Variants in C1orf141 observed in about 807,000 individuals in gnomAD.
C1orf141 encodes uncharacterized protein C1orf141.
In C1orf141, 19 loss-of-function variants were observed where a neutral mutation model predicts 23.2. The observed-to-expected ratio is 0.82, with a 90% confidence interval of 0.57 to 1.20. The LOEUF (loss-of-function observed/expected upper bound fraction) is 1.20, where lower values mean the gene tolerates loss of function less well. Among genes scored for constraint, C1orf141 ranks in the 50% most tolerant of loss-of-function variants. The pLI, the probability that C1orf141 is intolerant of heterozygous loss-of-function variation, is 0.00. For missense variants in C1orf141, 469 were observed against 455.1 expected (o/e 1.03, Z -0.28); for synonymous variants, 153 against 154.6 (o/e 0.99, Z 0.08).
intron 6 of C1orf141, 55 bp from the exon 7 acceptor site, chr1:67,095,476 G>C: frequency 2.0e-6 from 2 of 988,252 alleles, no homozygotes; most frequent in Non-Finnish European, 2.9e-6. Flanking sequence ...CAGCTTGTCA[G>C]TTCTTGTCTG....
intron 4 of C1orf141, among the ~76,000 whole-genome samples, chr1:67,117,117 T>G (rs1558198473): frequency 6.6e-6 from 1 of 152,168 alleles, no homozygotes; most frequent in African/African-American, 2.4e-5. Context: ...TAGTACATGT[T>G]TAATATTCAT....
chr1:67,111,562 AC>A, intron 5 of C1orf141: 1 of 1,109,900 alleles, frequency 9.0e-7, no homozygotes, highest in Non-Finnish European at 1.2e-6. Flanking sequence ...TACTGAGTAT[AC>A]AAATTACACC....
intron 5 of C1orf141, chr1:67,113,740 C>T (rs1256069862): frequency 7.9e-7 from 1 of 1,265,454 alleles, no homozygotes; most frequent in Admixed American, 2.3e-5. Flanking sequence ...CAGGATCAGC[C>T]TACTTTTAAA....
intron 2 of C1orf141, 88 bp from the exon 3 acceptor site, chr1:67,127,345 A>G: frequency 1.4e-6 from 1 of 718,420 alleles, no homozygotes; most frequent in Non-Finnish European, 2.4e-6. Flanking sequence ...TCACTTTTAC[A>G]TTACTGTTTT....
intron 5 of C1orf141, among the ~76,000 whole-genome samples, chr1:67,101,449 AGTGTGTGTGTGTGT>A (rs10688535): frequency 2.2e-5 from 3 of 135,288 alleles, no homozygotes; most frequent in South Asian, 2.6e-4. Context: ...TGAATGTAAG[AGTGTGTGTGTGTGT>A]GTGTGTGTGT....
intron 3 of C1orf141, 92 bp downstream of exon 3, chr1:67,127,074 T>G (rs1256316325): frequency 1.3e-6 from 1 of 776,106 alleles, no homozygotes; most frequent in African/African-American, 1.8e-5. Flanking sequence ...TATATCATAT[T>G]AATGTATCAT....
intron 5 of C1orf141, among the ~76,000 whole-genome samples, chr1:67,101,650 A>G (rs68123283): frequency 0.095 from 14,507 of 152,078 alleles, 736 homozygotes; most frequent in South Asian, 0.12. Context: ...TCTTTGAGTT[A>G]GGGATAAAAT....
chr1:67,093,292 G>A lies in C1orf141; in HGVS notation c.916C>T (p.Leu306=), dbSNP rs1432190284. The part of the protein sequence containing the change: ...KLKKKTNKQT[L]ENRSWNTLYN... ...AGTGTATTCCAAGATCTGTTTTCTA[G>A]TGTCTGCTTATTAGTTTTCTTCTTT... The change falls in exon 8 of 8, where the codon CTA becomes TTA. Residue 306 remains leucine, a synonymous_variant. Coordinates refer to ENST00000684719, the MANE Select transcript of C1orf141 (RefSeq NM_001276351.2). 6.8e-6 allele frequency: 11 copies of A among 1,613,688 alleles called. No homozygotes were observed. In the East Asian group the frequency reaches 2.5e-4, roughly 36 times the overall value.
intron 4 of C1orf141, 167 bp downstream of exon 4, chr1:67,125,585 G>C: frequency 2.9e-6 from 2 of 686,354 alleles, no homozygotes; most frequent in Non-Finnish European, 5.3e-6. Context: ...TGTAGTCCCA[G>C]CTACTCTGGA....
At chr1:67,125,711 C>G (rs897425016) in intron 4 of C1orf141, 41 bp downstream of exon 4, 20 of 1,587,788 alleles carry the variant, frequency 1.3e-5, no homozygotes, top group Non-Finnish European at 1.7e-5. Context: ...AACAAACAAA[C>G]AAATTCTGAA....
At chr1:67,121,636 T>G (rs1269284249) in intron 4 of C1orf141, 1 of 152,252 alleles carries the variant, frequency 6.6e-6, no homozygotes, top group Non-Finnish European at 1.5e-5. Flanking sequence ...ATTTTTGGTA[T>G]GCCATTGAAT....
intron 5 of C1orf141, among the ~76,000 whole-genome samples, chr1:67,101,316 T>C (rs925454195): frequency 2.0e-5 from 3 of 152,168 alleles, no homozygotes; most frequent in Non-Finnish European, 4.4e-5. Context: ...TACATTTCTC[T>C]CCAAATATTG....
At chr1:67,133,106 A>G (rs1432457044) in intron 1 of C1orf141, among the ~76,000 whole-genome samples, 1 of 152,206 alleles carries the variant, frequency 6.6e-6, no homozygotes, top group Admixed American at 6.5e-5. Flanking sequence ...GAACAATTTT[A>G]TTTTAACAGC....
At chr1:67,115,850 C>T (rs1023415062) in intron 4 of C1orf141, among the ~76,000 whole-genome samples, 4 of 152,332 alleles carry the variant, frequency 2.6e-5, no homozygotes, top group Non-Finnish European at 5.9e-5. Context: ...GAAAGGATCA[C>T]AGCATTTATT....
upstream of C1orf141, among the ~76,000 whole-genome samples, chr1:67,135,906 CAAAAA>C (rs59519661): frequency 6.4e-5 from 4 of 62,590 alleles, no homozygotes; most frequent in East Asian, 4.4e-4. Flanking sequence ...GGCAAAACTG[CAAAAA>C]AAAAAAAAAA....
intron 4 of C1orf141, chr1:67,123,334 G>T (rs1328932843): frequency 6.6e-6 from 1 of 151,844 alleles, no homozygotes; most frequent in East Asian, 1.9e-4. Context: ...TACTTAACAT[G>T]GTTTATAAGC....
Position 67,101,449 on chromosome 1 carries a change from AGT to A in C1orf141, c.347-5130_347-5129del, listed in dbSNP as rs10688535. On this transcript the variant is annotated intron_variant, in intron 5 of 7. Transcript: ENST00000684719. ...TCCATTTCTTTATGTTGAATGTAAGAGTGTGTGTGTGTGTGTGTGTGTGTGTG... is the reference window on the plus strand; with the variant it reads ...TCCATTTCTTTATGTTGAATGTAAGAGTGTGTGTGTGTGTGTGTGTGTGTG... 5.7e-3 allele frequency among the ~76,000 whole-genome samples: 772 copies of A among 135,322 alleles called. 7 individuals carry two copies. Among genetic ancestry groups the A allele is most frequent in the African/African-American group, 0.014 (492 of 35,998 alleles). The allele number at this position is 135,322 out of a possible 152,430, so 88.8% of individuals were successfully genotyped here. A position where few individuals can be genotyped will look rare whatever the true frequency, so the allele number is the denominator to read the frequency against.
chr1:67,117,015 C>T (rs139104754), intron 4 of C1orf141, among the ~76,000 whole-genome samples: 129 of 152,150 alleles, frequency 8.5e-4, no homozygotes, highest in African/African-American at 3.0e-3. Flanking sequence ...TATCTCTCTC[C>T]CCATCTTATC....
At chr1:67,099,314 A>C (rs1291125160) in intron 5 of C1orf141, among the ~76,000 whole-genome samples, 1 of 152,214 alleles carries the variant, frequency 6.6e-6, no homozygotes. Context: ...TATCTGTAAA[A>C]TGCTGAGAAA....
Sources: gnomAD v4.1 joint callset for allele counts (sites outside exome capture counted in the v4.1 genomes callset) on GRCh38, gnomAD v4.1.1 for gene constraint, MANE v1.5 for transcripts, NCBI Gene and HGNC (gene_info 2026-07-23, HGNC 2026-07-21) for gene names.